Variants in CPNE7 observed in about 807,000 individuals in gnomAD.
CPNE7 encodes copine-7.
Under a neutral mutation model 66.5 loss-of-function variants are expected in CPNE7, and 78 were observed. The observed-to-expected ratio is 1.17, with a 90% CI of 0.98 to 1.42. CPNE7 has a LOEUF of 1.42. Ranked by LOEUF, CPNE7 falls within the 40% of genes most tolerant of loss-of-function variation. CPNE7 has a pLI of 0.00. For synonymous variants in CPNE7, 468 were observed against 336.7 expected (o/e 1.39, Z -4.27); for missense variants, 1,012 against 776.6 (o/e 1.30, Z -3.60).
chr16:89,585,819 G>C (rs1486241383), intron 7 of CPNE7, 34 bp downstream of exon 7: 2 of 1,011,180 alleles, frequency 2.0e-6, no homozygotes, highest in Middle Eastern at 3.0e-4. Context: ...CCTCCAGGGA[G>C]GGTCAGGTGG....
At position 89,584,012 on chromosome 16, in the gene CPNE7, G is replaced by A. The variant is rs924916324; in HGVS notation, c.433-16G>A. 2 of 1,611,410 alleles carry A rather than the reference G, an allele frequency of 1.2e-6. No individual in the cohort carries two copies. Among genetic ancestry groups the A allele is most frequent in the African/African-American group, 2.7e-5 (2 of 74,890 alleles). Reference sequence around the variant, plus strand: ...CCCACCTGGCCAAGCCTGGAGCCCGGGCGTCCCCCTGCCAGGTGATCGCCG... The same window carrying A: ...CCCACCTGGCCAAGCCTGGAGCCCGAGCGTCCCCCTGCCAGGTGATCGCCG... On this transcript the variant is annotated splice_polypyrimidine_tract_variant and intron_variant, in intron 3 of 14. Transcript: ENST00000319518. The surrounding 1 kb of genome is among the most constrained non-coding windows in gnomAD (Gnocchi z 6.0).
Position 89,580,722 on chromosome 16 carries a change from C to T in CPNE7, c.358-2975C>T, listed in dbSNP as rs113766165. On this transcript the variant is annotated intron_variant, in intron 2 of 14. Coordinates refer to ENST00000319518, the MANE Select transcript of CPNE7 (RefSeq NM_153636.3). ...CTGTCACACGGAACATCCCGTCACC[C>T]GCTGACACAGAACATCTCACCCATC... is the stretch of plus-strand genomic sequence containing the variant. 1.6e-4 allele frequency among the ~76,000 whole-genome samples: 23 copies of T among 146,500 alleles called. 1 individual carries two copies. The highest frequency in any genetic ancestry group is 4.8e-4 in the African/African-American group (19 of 39,568).
At chr16:89,588,368 G>A (rs367755439) in intron 9 of CPNE7, among the ~76,000 whole-genome samples, 125 of 152,338 alleles carry the variant, frequency 8.2e-4, no homozygotes, top group Middle Eastern at 3.4e-3. Flanking sequence ...AGGCCCTGCC[G>A]GGGAGGGTGG....
At chr16:89,581,291 A>C (rs536509828) in intron 2 of CPNE7, among the ~76,000 whole-genome samples, 1 of 137,316 alleles carries the variant, frequency 7.3e-6, no homozygotes, top group African/African-American at 2.6e-5. Context: ...CACCAGTCAC[A>C]CAGAACATCC....
rs561424892 is a variant in CPNE7, at chr16:89,589,778, G to A, written c.1062-119G>A. The A allele has an allele frequency of 5.0e-5, 52 of 1,049,314 alleles. 2 individuals carry two copies. The highest frequency in any genetic ancestry group is 4.7e-4 in the Admixed American group (22 of 46,642). 65.0% of individuals were successfully genotyped at this position (1,049,314 alleles called of 1,614,324 possible). A position where few individuals can be genotyped will look rare whatever the true frequency, so the allele number is the denominator to read the frequency against. On this transcript the variant is annotated intron_variant, in intron 10 of 14. Transcript: ENST00000319518. Reference sequence around the variant, plus strand: ...CCACCTCTGGCAGGTGCTTACTGCCGTGGTACCAGGCCTGGGCACCCCCAG... The same window carrying A: ...CCACCTCTGGCAGGTGCTTACTGCCATGGTACCAGGCCTGGGCACCCCCAG...
At chr16:89,583,963 T>A (rs408800) in intron 3 of CPNE7, 65 bp from the exon 4 acceptor site, 38 of 1,577,220 alleles carry the variant, frequency 2.4e-5, no homozygotes, top group Non-Finnish European at 3.3e-5. Context: ...CTGGGGCCTC[T>A]GGTCCCCCAC....
rs1218849003 is a variant in CPNE7, at chr16:89,595,455, C to G, written c.1391C>G (p.Pro464Arg). ...REAIVRASRL[P>R]MSIIIVGVGN... ...GCCATTGTGCGTGCCTCACGCCTGCCCATGTCCATCATCATCGTGGGCGTG... is the reference window on the plus strand; with the variant it reads ...GCCATTGTGCGTGCCTCACGCCTGCGCATGTCCATCATCATCGTGGGCGTG... The change falls in exon 14 of 15, where the codon CCC becomes CGC. Residue 464 changes from proline to arginine, a missense_variant. Transcript: ENST00000319518. 2 of 1,612,374 alleles carry G rather than the reference C, an allele frequency of 1.2e-6. No individual in the cohort carries two copies. Among genetic ancestry groups the G allele is most frequent in the Admixed American group, 3.3e-5 (2 of 59,990 alleles).
chr16:89,594,593 G>T (rs1217397379), intron 13 of CPNE7, among the ~76,000 whole-genome samples: 2 of 149,762 alleles, frequency 1.3e-5, no homozygotes, highest in East Asian at 4.2e-4. Flanking sequence ...TATTGAGTGG[G>T]GTTTTTTTTA....
intron 13 of CPNE7, chr16:89,594,108 C>A (rs1044264004): frequency 6.6e-6 from 1 of 152,182 alleles, no homozygotes; most frequent in Admixed American, 6.5e-5. Flanking sequence ...ATCAGCTGAG[C>A]CCTCGGTCCC....
rs533127878 is a variant in CPNE7, at chr16:89,588,828, C to T, written c.1061+20C>T. 3.8e-5 allele frequency: 62 copies of T among 1,612,122 alleles called. No homozygotes were observed. The highest frequency in any genetic ancestry group is 5.2e-5 in the Non-Finnish European group (61 of 1,179,548). ...TGACAGGTGCGCCCACCACCTTCCC[C>T]TCACCCCCTGGTCTCCAGGTCAGCT... On this transcript the variant is annotated intron_variant, in intron 10 of 14. Transcript: ENST00000319518.
chr16:89,596,650 T>C lies in CPNE7; in HGVS notation c.*29T>C, dbSNP rs1411505858. On this transcript the variant is annotated 3_prime_UTR_variant, in exon 15 of 15. Transcript: ENST00000319518. ...TGTGGAGGGCGTAGGGTGGGGGCAG[T>C]GAGGAATGGGTCCGTACAGCCTCTG... 6.4e-6 allele frequency: 10 copies of C among 1,569,176 alleles called. No homozygotes were observed. Among genetic ancestry groups the C allele is most frequent in the Non-Finnish European group, 8.6e-6 (10 of 1,165,004 alleles).
intron 13 of CPNE7, 102 bp downstream of exon 13, chr16:89,591,362 G>C (rs959415847): frequency 4.2e-6 from 6 of 1,419,426 alleles, no homozygotes; most frequent in Admixed American, 5.5e-5. Context: ...AACAGCCAGC[G>C]CAGAGGCCCC....
In CPNE7 at chr16:89,587,032, C is replaced by T; in HGVS notation, c.868-11C>T. On this transcript the variant is annotated splice_polypyrimidine_tract_variant and intron_variant, in intron 8 of 14. Coordinates refer to ENST00000319518, the MANE Select transcript of CPNE7 (RefSeq NM_153636.3). The stretch of plus-strand genomic sequence containing the variant: ...CTGGCGGGGGTGGACGCTGACTCCG[C>T]CGGCCGGAAGTTCCACAGGGTGTAC... 1 of 1,574,576 alleles carries T rather than the reference C, an allele frequency of 6.4e-7. No individual in the cohort carries two copies. Among genetic ancestry groups the T allele is most frequent in the Non-Finnish European group, 8.6e-7 (1 of 1,159,758 alleles).
intron 11 of CPNE7, among the ~76,000 whole-genome samples, chr16:89,590,582 G>T (rs2059152034): frequency 6.6e-6 from 1 of 151,430 alleles, no homozygotes; most frequent in Admixed American, 6.6e-5. Flanking sequence ...AAAAAATGGT[G>T]TGTGGGGATT....
At chr16:89,586,961 T>G in intron 8 of CPNE7, 82 bp from the exon 9 acceptor site, 1 of 1,400,780 alleles carries the variant, frequency 7.1e-7, no homozygotes, top group South Asian at 1.2e-5. Context: ...CTGGGCTGCC[T>G]GCGGGAGGCA....
rs773649602 is a variant in CPNE7 at position 89,595,535 on chromosome 16, C to G, written c.1471C>G (p.Arg491Gly). ...CCTGGACGGCGACGACGGCGTCCTG[C>G]GCTCCCCACGGGGTGAGCCCGCGCT... is the stretch of plus-strand genomic sequence containing the variant. ...QVLDGDDGVL[R>G]SPRGEPALRD... The change falls in exon 14 of 15, where the codon CGC (arginine) becomes GGC (glycine). Residue 491 changes from arginine to glycine, a missense_variant. Coordinates refer to ENST00000319518, the MANE Select transcript of CPNE7 (RefSeq NM_153636.3). 1 of 1,612,518 alleles carries G rather than the reference C, an allele frequency of 6.2e-7. No individual in the cohort carries two copies. Among genetic ancestry groups the G allele is most frequent in the Admixed American group, 1.7e-5 (1 of 60,002 alleles).
rs1398518499 is a variant in CPNE7 at position 89,584,190 on chromosome 16, G to A, written c.507+88G>A. 90 of 1,355,654 alleles carry A rather than the reference G, an allele frequency of 6.6e-5. No homozygotes were observed. Among genetic ancestry groups the A allele is most frequent in the Non-Finnish European group, 6.7e-5 (66 of 979,308 alleles). 84.0% of individuals were successfully genotyped at this position (1,355,654 alleles called of 1,614,324 possible). A position where few individuals can be genotyped will look rare whatever the true frequency, so the allele number is the denominator to read the frequency against. ...GGTCCCTGCCCAGCGCTGACCTCGC[G>A]TGGCTATGTCCCGTGTGAGACGTGT... On this transcript the variant is annotated intron_variant, in intron 4 of 14. Coordinates refer to ENST00000319518, the MANE Select transcript of CPNE7 (RefSeq NM_153636.3). This position sits in a 1 kb window ranked among gnomAD's most constrained non-coding sequence, Gnocchi z 6.0.
intron 9 of CPNE7, 125 bp from the exon 10 acceptor site, chr16:89,588,550 C>T (rs979186762): frequency 6.6e-6 from 8 of 1,209,204 alleles, no homozygotes; most frequent in Non-Finnish European, 8.2e-6. Context: ...AGCCCCCCAG[C>T]CCTACCCACC....
chr16:89,590,741 G>A (rs1287724282), intron 11 of CPNE7, among the ~76,000 whole-genome samples: 1 of 126,744 alleles, frequency 7.9e-6, no homozygotes, highest in Non-Finnish European at 1.6e-5. Context: ...GGGGACATGG[G>A]GGCCAGGTCG....
Sources: gnomAD v4.1 joint callset for allele counts (sites outside exome capture counted in the v4.1 genomes callset) on GRCh38, gnomAD v4.1.1 for gene constraint, Gnocchi (gnomAD v3.1) non-coding constraint, MANE v1.5 for transcripts, NCBI Gene and HGNC (gene_info 2026-07-23, HGNC 2026-07-21) for gene names.